Variants in OSBPL3 observed in about 807,000 individuals in gnomAD.
The protein encoded by OSBPL3 is oxysterol-binding protein-related protein 3.
In OSBPL3, 65 loss-of-function variants were observed where a neutral mutation model predicts 120.1. That is an observed-to-expected ratio of 0.54 (90% CI 0.44 to 0.67). The LOEUF (loss-of-function observed/expected upper bound fraction) is 0.67. OSBPL3 is among the 30% of genes least tolerant of loss of function. The probability of loss-of-function intolerance (pLI) is 0.00; values close to 1 mark genes in which losing one functional copy is unlikely to be tolerated. For synonymous variants in OSBPL3, 416 were observed against 402.6 expected (o/e 1.03, Z -0.40); for missense variants, 1,004 against 1,082.1 (o/e 0.93, Z 1.01).
chr7:24,969,983 A>C (rs1816815436), intron 1 of OSBPL3, among the ~76,000 whole-genome samples: 1 of 152,108 alleles, frequency 6.6e-6, no homozygotes, highest in South Asian at 2.1e-4. Flanking sequence ...CCCATTACAC[A>C]GTCCTTCTCT....
At position 24,871,669 on chromosome 7, in the gene OSBPL3, A is replaced by G. The variant is rs1381668659; in HGVS notation, c.267+73T>C. 2.8e-6 allele frequency: 3 copies of G among 1,076,828 alleles called. No individual in the cohort carries two copies. Among genetic ancestry groups the G allele is most frequent in the Non-Finnish European group, 4.3e-6 (3 of 702,568 alleles). The allele number at this position is 1,076,828 out of a possible 1,614,324, so 66.7% of individuals were successfully genotyped here. On this transcript the variant is annotated intron_variant, in intron 4 of 22. Coordinates refer to ENST00000313367, the MANE Select transcript of OSBPL3 (RefSeq NM_015550.4). This position sits in a 1 kb window ranked among gnomAD's most constrained non-coding sequence, Gnocchi z 4.8. ...AGAAAAGCTATCCTCAACTATACAC[A>G]CTCTCATCTCTGAGCTGATGGTTAC...
rs745891225 is a variant in OSBPL3, at chr7:24,819,976, G to C, written c.1948+199C>G. 6.6e-6 allele frequency among the ~76,000 whole-genome samples: 1 copy of C among 152,178 alleles called. No homozygotes were observed. Among genetic ancestry groups the C allele is most frequent in the Non-Finnish European group, 1.5e-5 (1 of 68,022 alleles). On this transcript the variant is annotated intron_variant, in intron 17 of 22. Coordinates refer to ENST00000313367, the MANE Select transcript of OSBPL3 (RefSeq NM_015550.4). This position sits in a 1 kb window ranked among gnomAD's most constrained non-coding sequence, Gnocchi z 4.1. ...TCAAATGATTTTTACATAAGATAAA[G>C]TTACAGAAATAAATGGAGGTGGCTC...
At chr7:24,809,753 A>C in intron 20 of OSBPL3, 54 bp downstream of exon 20, 1 of 1,574,438 alleles carries the variant, frequency 6.4e-7, no homozygotes. Flanking sequence ...TTCTTGTGTC[A>C]TGCCCACCCA....
chr7:24,924,431 AAG>A (rs1332679848), intron 1 of OSBPL3, among the ~76,000 whole-genome samples: 1 of 152,204 alleles, frequency 6.6e-6, no homozygotes, highest in African/African-American at 2.4e-5. Flanking sequence ...AAAAAGTAGT[AAG>A]AGTCTAACTC....
rs889562843 is a variant in OSBPL3 at position 24,824,245 on chromosome 7, T to A, written c.1885-4007A>T. Among the ~76,000 whole-genome samples, 2 of 152,210 alleles carry A rather than the reference T, an allele frequency of 1.3e-5. No individual in the cohort carries two copies. The highest frequency in any genetic ancestry group is 4.8e-5 in the African/African-American group (2 of 41,446). On this transcript the variant is annotated intron_variant, in intron 16 of 22. Coordinates refer to ENST00000313367, the MANE Select transcript of OSBPL3 (RefSeq NM_015550.4). This position sits in a 1 kb window ranked among gnomAD's most constrained non-coding sequence, Gnocchi z 4.9. ...GCCCCAATACAGTTCCCCTGGCAGT[T>A]AAGAATTCTGGTAATTTATAATTTA... is the stretch of plus-strand genomic sequence containing the variant.
chr7:24,956,045 G>A (rs1815004903), intron 1 of OSBPL3, among the ~76,000 whole-genome samples: 1 of 152,202 alleles, frequency 6.6e-6, no homozygotes, highest in South Asian at 2.1e-4. Context: ...TAATGAAAAT[G>A]CCCATTTCCA....
chr7:24,959,475 C>T lies in OSBPL3; in HGVS notation c.-150+20411G>A, dbSNP rs975826222. Among the ~76,000 whole-genome samples the T allele has an allele frequency of 6.6e-6, 1 of 152,148 alleles. No individual in the cohort carries two copies. The highest frequency in any genetic ancestry group is 2.4e-5 in the African/African-American group (1 of 41,424). On this transcript the variant is annotated intron_variant, in intron 1 of 22. Coordinates refer to ENST00000313367, the MANE Select transcript of OSBPL3 (RefSeq NM_015550.4). The surrounding 1 kb of genome is among the most constrained non-coding windows in gnomAD (Gnocchi z 4.3). ...TAAAGCGTTAACATGAGTCAATTTACATAAGTTACAAAAACAAGCAAAGCT... is the reference window on the plus strand; with the variant it reads ...TAAAGCGTTAACATGAGTCAATTTATATAAGTTACAAAAACAAGCAAAGCT...
chr7:24,824,973 G>T lies in OSBPL3; in HGVS notation c.1885-4735C>A, dbSNP rs1384750471. 6.6e-6 allele frequency among the ~76,000 whole-genome samples: 1 copy of T among 152,202 alleles called. No individual in the cohort carries two copies. Among genetic ancestry groups the T allele is most frequent in the African/African-American group, 2.4e-5 (1 of 41,448 alleles). On this transcript the variant is annotated intron_variant, in intron 16 of 22. Transcript: ENST00000313367. This position sits in a 1 kb window ranked among gnomAD's most constrained non-coding sequence, Gnocchi z 4.9. ...CTTGGTATGAAGCAGAAGAAGCAAG[G>T]CCAGTCTGGCAGAGCTAAATGAGGA...
upstream of OSBPL3, chr7:24,981,784 A>C (rs940490859): frequency 6.6e-6 from 1 of 152,196 alleles, no homozygotes; most frequent in Non-Finnish European, 1.5e-5. This position sits in a 1 kb window ranked among gnomAD's most constrained non-coding sequence, Gnocchi z 7.3. Context: ...CGCGGTTCCT[A>C]AACCACCTCG....
At chr7:24,811,591 T>C (rs932013077) in intron 19 of OSBPL3, among the ~76,000 whole-genome samples, 1 of 152,234 alleles carries the variant, frequency 6.6e-6, no homozygotes, top group African/African-American at 2.4e-5. Context: ...ACCAACGTCA[T>C]GAAGCTTTTC....
chr7:24,905,891 G>A (rs1466440331), intron 1 of OSBPL3, among the ~76,000 whole-genome samples: 1 of 152,182 alleles, frequency 6.6e-6, no homozygotes, highest in Non-Finnish European at 1.5e-5. Flanking sequence ...AGTTAGCCAA[G>A]TGTGGTGGCG....
rs570107016 is a variant in OSBPL3, at chr7:24,891,471, C to G, written c.96+906G>C. 1.3e-5 allele frequency among the ~76,000 whole-genome samples: 2 copies of G among 152,272 alleles called. No homozygotes were observed. The highest frequency in any genetic ancestry group is 4.8e-5 in the African/African-American group (2 of 41,550). ...TAATTGCTGCTTCCAATTCTGGAAC[C>G]AAAGACTCTGGGTGATTTCTCAGGC... is the stretch of plus-strand genomic sequence containing the variant. On this transcript the variant is annotated intron_variant, in intron 2 of 22. Coordinates refer to ENST00000313367, the MANE Select transcript of OSBPL3 (RefSeq NM_015550.4). This position sits in a 1 kb window ranked among gnomAD's most constrained non-coding sequence, Gnocchi z 4.1.
chr7:24,895,000 GGAAA>G lies in OSBPL3; in HGVS notation c.-149-2383_-149-2380del, dbSNP rs1402007858. Reference sequence around the variant, plus strand: ...TACCCCTGTCTCCTTTCCCCTTCTGGGAAAGAAAGAGAGGGGACCCGCAGCCCCT... The same window carrying G: ...TACCCCTGTCTCCTTTCCCCTTCTGGGAAAGAGAGGGGACCCGCAGCCCCT... On this transcript the variant is annotated intron_variant, in intron 1 of 22. Coordinates refer to ENST00000313367, the MANE Select transcript of OSBPL3 (RefSeq NM_015550.4). This position sits in a 1 kb window ranked among gnomAD's most constrained non-coding sequence, Gnocchi z 4.1. Among the ~76,000 whole-genome samples the G allele has an allele frequency of 1.3e-5, 2 of 152,122 alleles. No individual in the cohort carries two copies. Among genetic ancestry groups the G allele is most frequent in the African/African-American group, 2.4e-5 (1 of 41,410 alleles).
rs931145712 is a variant in OSBPL3, at chr7:24,835,883, G to C, written c.1496-1147C>G. Among the ~76,000 whole-genome samples the C allele has an allele frequency of 6.6e-6, 1 of 151,966 alleles. No homozygotes were observed. The highest frequency in any genetic ancestry group is 2.4e-5 in the African/African-American group (1 of 41,366). ...TTAGTTCACATGAACATAAAGAAGGGAACCATAGACACCAGGGCCTACTGG... is the reference window on the plus strand; with the variant it reads ...TTAGTTCACATGAACATAAAGAAGGCAACCATAGACACCAGGGCCTACTGG... On this transcript the variant is annotated intron_variant, in intron 14 of 22. Transcript: ENST00000313367. This position sits in a 1 kb window ranked among gnomAD's most constrained non-coding sequence, Gnocchi z 4.8.
chr7:24,890,399 A>G lies in OSBPL3; in HGVS notation c.96+1978T>C, dbSNP rs564722260. On this transcript the variant is annotated intron_variant, in intron 2 of 22. Coordinates refer to ENST00000313367, the MANE Select transcript of OSBPL3 (RefSeq NM_015550.4). ...GGAAATGGCTGTGCCCTAAGTGAGG[A>G]AAGCTTCAAAGGTTCCTGCACCTCT... Among the ~76,000 whole-genome samples the G allele has an allele frequency of 1.3e-4, 20 of 152,322 alleles. No individual in the cohort carries two copies. In the South Asian group the frequency reaches 4.1e-3, roughly 32 times the overall value.
intron 1 of OSBPL3, among the ~76,000 whole-genome samples, chr7:24,934,666 G>A (rs1812180806): frequency 6.6e-6 from 1 of 152,142 alleles, no homozygotes. Context: ...AATAAATGCT[G>A]TAAAATAGAG....
chr7:24,845,431 CTGTATTTGTGTGTATG>C (rs1798312918), intron 12 of OSBPL3, among the ~76,000 whole-genome samples: 1 of 124,018 alleles, frequency 8.1e-6, no homozygotes, highest in Non-Finnish European at 1.6e-5. Context: ...CCATACCTAT[CTGTATTTGTGTGTATG>C]TGTGTGTGTG....
chr7:24,841,369 T>C (rs1797719551), intron 13 of OSBPL3, among the ~76,000 whole-genome samples: 1 of 151,746 alleles, frequency 6.6e-6, no homozygotes, highest in Non-Finnish European at 1.5e-5. Flanking sequence ...TACGGGATGC[T>C]AATTTCCTTC....
intron 1 of OSBPL3, among the ~76,000 whole-genome samples, chr7:24,915,099 T>C (rs1001834950): frequency 1.3e-5 from 2 of 152,202 alleles, no homozygotes. Flanking sequence ...CCAAGTGCCT[T>C]TTCACAGTGG....
Sources: allele counts gnomAD v4.1 joint callset (sites outside exome capture counted in the v4.1 genomes callset), GRCh38; gene constraint gnomAD v4.1.1; non-coding constraint Gnocchi (gnomAD v3.1); transcripts MANE v1.5; gene names NCBI Gene and HGNC (gene_info 2026-07-23, HGNC 2026-07-21).